The following HERC2 variants were observed in gnomAD, a reference collection of about 807,000 sequenced individuals.
The protein encoded by HERC2 is HECT and RLD domain containing E3 ubiquitin protein ligase 2.
Under a neutral mutation model 537.7 loss-of-function variants are expected in HERC2, and 102 were observed. That is an observed-to-expected ratio of 0.19 (90% CI 0.16 to 0.22). The LOEUF (loss-of-function observed/expected upper bound fraction) is 0.22. Among genes scored for constraint, HERC2 ranks in the 10% least tolerant of loss-of-function variants. HERC2 has a pLI of 1.00. For synonymous variants in HERC2, 2,224 were observed against 2,466.2 expected (o/e 0.90, Z 2.91); for missense variants, 4,236 against 6,198.2 (o/e 0.68, Z 10.63).
chr15:28,196,643 G>C (rs776138153), intron 50 of HERC2, 74 bp from the exon 51 acceptor site: 76 of 774,018 alleles, frequency 9.8e-5, no homozygotes, highest in Non-Finnish European at 1.6e-4. Context: ...ACTGCACCTA[G>C]CCATGTCATA....
rs1212786083 is a variant in HERC2, at chr15:28,176,408, C to G, written c.9686+20G>C. ...ACCTGCACAAGCACACACAGTGTGA[C>G]AGGGAGGACGTTTACGTACCATGTC... is the stretch of plus-strand genomic sequence containing the variant. On this transcript the variant is annotated intron_variant, in intron 63 of 92. Coordinates refer to ENST00000261609, the MANE Select transcript of HERC2 (RefSeq NM_004667.6). This position sits in a 1 kb window ranked among gnomAD's most constrained non-coding sequence, Gnocchi z 5.0. 5.6e-6 allele frequency: 9 copies of G among 1,612,918 alleles called. No homozygotes were observed. In the South Asian group the frequency reaches 8.8e-5, roughly 16 times the overall value.
In HERC2 at chr15:28,254,802, T is replaced by A. The variant is rs1377514731; in HGVS notation, c.2872-284A>T. ...AAATCCTTAACCCTGCTACTGGCTC[T>A]CACAAAACCCAATGTGATGTGCCCC... On this transcript the variant is annotated intron_variant, in intron 19 of 92. Transcript: ENST00000261609. Among the ~76,000 whole-genome samples the A allele has an allele frequency of 2.0e-5, 3 of 152,234 alleles. No homozygotes were observed. In the East Asian group the frequency reaches 5.8e-4, roughly 29 times the overall value.
chr15:28,291,479 T>C (rs1269215824), intron 4 of HERC2, among the ~76,000 whole-genome samples: 2 of 152,148 alleles, frequency 1.3e-5, no homozygotes, highest in Non-Finnish European at 2.9e-5. Flanking sequence ...GGGATAATAG[T>C]GGCTAACTCT....
At chr15:28,253,699 C>T (rs1270778569) in intron 20 of HERC2, among the ~76,000 whole-genome samples, 1 of 152,230 alleles carries the variant, frequency 6.6e-6, no homozygotes, top group Non-Finnish European at 1.5e-5. Context: ...CAGTGGCTTA[C>T]GCCTGAAATC....
chr15:28,177,271 C>A lies in HERC2; in HGVS notation c.9255-144G>T. Reference sequence around the variant, plus strand: ...AAACTTAAAGCAGAACCGGTGAGACCAAAACACAAACAACCGTGTTAAAAA... The same window carrying A: ...AAACTTAAAGCAGAACCGGTGAGACAAAAACACAAACAACCGTGTTAAAAA... On this transcript the variant is annotated intron_variant, in intron 60 of 92. Transcript: ENST00000261609. The surrounding 1 kb of genome is among the most constrained non-coding windows in gnomAD (Gnocchi z 5.0). The A allele has an allele frequency of 8.3e-7, 1 of 1,202,336 alleles. No homozygotes were observed. Among genetic ancestry groups the A allele is most frequent in the Non-Finnish European group, 1.2e-6 (1 of 852,120 alleles). The allele number at this position is 1,202,336 out of a possible 1,614,324, so 74.5% of individuals were successfully genotyped here.
intron 30 of HERC2, among the ~76,000 whole-genome samples, chr15:28,232,194 G>A (rs1901934463): frequency 1.3e-5 from 2 of 152,202 alleles, no homozygotes; most frequent in African/African-American, 4.8e-5. Context: ...CGGAAACTCA[G>A]TAATCAATAC....
intron 44 of HERC2, among the ~76,000 whole-genome samples, chr15:28,208,049 G>A (rs1898676300): frequency 6.6e-6 from 1 of 152,184 alleles, no homozygotes; most frequent in Non-Finnish European, 1.5e-5. Context: ...GTGCAGAACA[G>A]AACAGCCAAT....
intron 4 of HERC2, among the ~76,000 whole-genome samples, chr15:28,280,909 C>G (rs1390651528): frequency 2.0e-5 from 3 of 150,952 alleles, no homozygotes; most frequent in Middle Eastern, 3.4e-3. Flanking sequence ...GACTCTGTCT[C>G]CCAAAAAAAA....
At chr15:28,197,538 G>A (rs1476517522) in intron 50 of HERC2, among the ~76,000 whole-genome samples, 2 of 152,104 alleles carry the variant, frequency 1.3e-5, no homozygotes, top group Non-Finnish European at 2.9e-5. Flanking sequence ...CGGATCAATA[G>A]GTAAGGAGTT....
chr15:28,257,504 CT>C (rs1421714107), intron 16 of HERC2, among the ~76,000 whole-genome samples: 2 of 152,172 alleles, frequency 1.3e-5, no homozygotes, highest in Non-Finnish European at 2.9e-5. Context: ...TTTTAACAAT[CT>C]TTTCACTCTC....
chr15:28,180,827 T>A (rs999993304), intron 57 of HERC2, among the ~76,000 whole-genome samples: 1 of 152,218 alleles, frequency 6.6e-6, no homozygotes, highest in Non-Finnish European at 1.5e-5. Flanking sequence ...ACATACCATT[T>A]ACATTGTATT....
At position 28,214,627 on chromosome 15, in the gene HERC2, G is replaced by C. The variant is rs552737206; in HGVS notation, c.6358+28C>G. 55 of 1,610,306 alleles carry C rather than the reference G, an allele frequency of 3.4e-5. No homozygotes were observed. The South Asian group carries it at 5.8e-4, about 17-fold the overall frequency. On this transcript the variant is annotated intron_variant, in intron 40 of 92. Transcript: ENST00000261609. ...ACGGCACTGCGCCGCTCTTCACCAGGGCACAGGGAAGGTAGACGGCCACCC... is the reference window on the plus strand; with the variant it reads ...ACGGCACTGCGCCGCTCTTCACCAGCGCACAGGGAAGGTAGACGGCCACCC...
chr15:28,306,966 C>T (rs1228015693), intron 2 of HERC2, among the ~76,000 whole-genome samples: 4 of 152,174 alleles, frequency 2.6e-5, no homozygotes, highest in African/African-American at 9.6e-5. Flanking sequence ...TTCCAAGTGG[C>T]TGGAATTACA....
At chr15:28,214,531 A>G in intron 40 of HERC2, 124 bp downstream of exon 40, 1 of 1,307,934 alleles carries the variant, frequency 7.6e-7, no homozygotes, top group South Asian at 1.2e-5. Flanking sequence ...ACGGCCACCC[A>G]CCTCTGAGTG....
rs1409819066 is a variant in HERC2 at position 28,163,206 on chromosome 15, T to C, written c.10634A>G (p.Asp3545Gly). Residue 3545 changes from aspartate to glycine, a missense_variant, in exon 69 of 93, where the codon GAC (aspartate) becomes GGC (glycine). Physicochemically the swap from Asp to Gly is moderately conservative, Grantham distance 94. Coordinates refer to ENST00000261609, the MANE Select transcript of HERC2 (RefSeq NM_004667.6). ...GAGCAGGTCTACCACCACACGAGTG[T>C]CATCCGCAATCAGCAGACTGGTGAA... ...DEFTSLLIAD[D>G]TRVVVDLLKL... 1 of 1,613,896 alleles carries C rather than the reference T, an allele frequency of 6.2e-7. No individual in the cohort carries two copies. The highest frequency in any genetic ancestry group is 8.5e-7 in the Non-Finnish European group (1 of 1,180,012).
intron 44 of HERC2, among the ~76,000 whole-genome samples, chr15:28,210,109 C>G (rs1899001609): frequency 6.6e-6 from 1 of 151,524 alleles, no homozygotes; most frequent in African/African-American, 2.4e-5. Flanking sequence ...TTACAGGCGG[C>G]CACCACTATG....
At position 28,215,556 on chromosome 15, in the gene HERC2, A is replaced by G. The variant is rs2428632; in HGVS notation, c.6210+65T>C. The stretch of plus-strand genomic sequence containing the variant: ...ACTGAATAAAGGCCCCTGACTCTGA[A>G]GGCAGGGAACTTCAGTACATGGAGG... On this transcript the variant is annotated intron_variant, in intron 39 of 92. Transcript: ENST00000261609. The G allele has an allele frequency of 8.5e-4, 1,213 of 1,427,572 alleles. 11 individuals carry two copies. In the African/African-American group the frequency reaches 0.011, roughly 13 times the overall value. 88.4% of individuals were successfully genotyped at this position (1,427,572 alleles called of 1,614,324 possible). A position where few individuals can be genotyped will look rare whatever the true frequency, so the allele number is the denominator to read the frequency against.
chr15:28,151,229 C>A (rs1484316727), intron 70 of HERC2, among the ~76,000 whole-genome samples: 1 of 152,010 alleles, frequency 6.6e-6, no homozygotes. Context: ...ACTCTTGGAA[C>A]CAGGATTTGA....
At position 28,211,044 on chromosome 15, in the gene HERC2, G is replaced by A. The variant is rs776095120; in HGVS notation, c.7027C>T (p.Leu2343=). The change falls in exon 44 of 93, where the codon CTG becomes TTG. Residue 2343 remains leucine (L), a synonymous_variant. Transcript: ENST00000261609. ...LSHQDKLRQI[L]SQPAVQETGT... ...GTCTCCTGAACAGCTGGCTGAGACA[G>A]GATCTGCCGCAGTTTATCCTGGTGG... The A allele has an allele frequency of 3.1e-6, 5 of 1,610,830 alleles. No homozygotes were observed. In the Admixed American group the frequency reaches 5.0e-5, roughly 16 times the overall value.
Sources: gnomAD v4.1 joint callset for allele counts (sites outside exome capture counted in the v4.1 genomes callset) on GRCh38, gnomAD v4.1.1 for gene constraint, Gnocchi (gnomAD v3.1) non-coding constraint, MANE v1.5 for transcripts, NCBI Gene and HGNC (gene_info 2026-07-23, HGNC 2026-07-21) for gene names.